The following STRA6 variants were observed in gnomAD, a reference collection of about 807,000 sequenced individuals.
STRA6 encodes signaling receptor and transporter of retinol STRA6.
In STRA6, 48 loss-of-function variants were observed where a neutral mutation model predicts 83.6. The ratio of observed to expected loss-of-function variants is 0.57; its 90% CI spans 0.46 to 0.73. The LOEUF is 0.73. Ranked by LOEUF, STRA6 falls within the 30% of genes least tolerant of loss-of-function variation. STRA6 has a pLI of 0.00. For missense variants in STRA6, 760 were observed against 838.8 expected, an observed-to-expected ratio of 0.91 and a Z score of 1.16; for synonymous variants, 353 against 362.3, an observed-to-expected ratio of 0.97 and a Z score of 0.29.
At chr15:74,211,487 G>A (rs974530158), upstream of STRA6, among the ~76,000 whole-genome samples, 2 of 135,986 alleles carry the variant, frequency 1.5e-5, no homozygotes, top group South Asian at 2.6e-4. Context: ...TGCAACCTCC[G>A]CCTCCTGGGT....
chr15:74,182,809 A>T, intron 14 of STRA6: 2 of 320,208 alleles, frequency 6.2e-6, no homozygotes, highest in South Asian at 6.1e-5. Context: ...TATTAAACTG[A>T]TGTTTGCATT....
At chr15:74,195,122 T>G (rs1286648872) in intron 7 of STRA6, 180 bp downstream of exon 7, 1 of 1,491,524 alleles carries the variant, frequency 6.7e-7, no homozygotes, top group Admixed American at 2.1e-5. Flanking sequence ...CCTTGTTCCC[T>G]GCCTCTCCTG....
rs745331417 is a variant in STRA6, at chr15:74,188,927, G to T, written c.1090+188C>A. Among the ~76,000 whole-genome samples, 1 of 152,184 alleles carries T rather than the reference G, an allele frequency of 6.6e-6. No homozygotes were observed. The highest frequency in any genetic ancestry group is 1.5e-5 in the Non-Finnish European group (1 of 68,044). On this transcript the variant is annotated intron_variant, in intron 12 of 18. Coordinates refer to ENST00000395105, the MANE Select transcript of STRA6 (RefSeq NM_022369.4). This position sits in a 1 kb window ranked among gnomAD's most constrained non-coding sequence, Gnocchi z 4.5. ...AGGAGCTGCTGAGATGTCCCTTCAG[G>T]TTTCATGGAAGCTCAGAACTGGAAG...
chr15:74,196,781 T>C (rs1165087601), intron 4 of STRA6, among the ~76,000 whole-genome samples: 1 of 152,166 alleles, frequency 6.6e-6, no homozygotes, highest in African/African-American at 2.4e-5. Flanking sequence ...TGTGAAGCTG[T>C]CTACACCAAG....
Position 74,188,378 on chromosome 15 carries a change from C to G in STRA6, c.1090+737G>C, listed in dbSNP as rs2073362756. Among the ~76,000 whole-genome samples the G allele has an allele frequency of 2.0e-5, 3 of 152,250 alleles. No homozygotes were observed. Among genetic ancestry groups the G allele is most frequent in the Admixed American group, 2.0e-4 (3 of 15,288 alleles). ...TCCCCAAGTAAGCAGAAGGCGCATGCCTCCTGAGTCCTCAGCACCGGGCTT... is the reference window on the plus strand; with the variant it reads ...TCCCCAAGTAAGCAGAAGGCGCATGGCTCCTGAGTCCTCAGCACCGGGCTT... On this transcript the variant is annotated intron_variant, in intron 12 of 18. Transcript: ENST00000395105. The surrounding 1 kb of genome is among the most constrained non-coding windows in gnomAD (Gnocchi z 4.5).
chr15:74,183,461 G>T (rs2073089910), intron 14 of STRA6: 1 of 1,104,900 alleles, frequency 9.1e-7, no homozygotes, highest in East Asian at 6.4e-5. Flanking sequence ...GGCCAGGCTG[G>T]TCTTCATCTC....
intron 4 of STRA6, among the ~76,000 whole-genome samples, chr15:74,196,552 A>G (rs1359145545): frequency 2.6e-5 from 4 of 152,226 alleles, no homozygotes; most frequent in Non-Finnish European, 5.9e-5. Flanking sequence ...GACAGCGGGC[A>G]TAGCTGTCCC....
intron 7 of STRA6, chr15:74,194,297 T>A (rs1005573936): frequency 1.1e-5 from 13 of 1,133,952 alleles, no homozygotes; most frequent in Non-Finnish European, 1.4e-5. Flanking sequence ...CTACATATAG[T>A]TTTCAACCTG....
At chr15:74,193,981 A>G (rs2073682727) in intron 7 of STRA6, 59 bp from the exon 8 acceptor site, 1 of 1,601,220 alleles carries the variant, frequency 6.2e-7, no homozygotes. Context: ...GCCAAGAACC[A>G]GAATCCGTTG....
At chr15:74,199,035 C>G (rs1297327301) in intron 2 of STRA6, among the ~76,000 whole-genome samples, 3 of 152,152 alleles carry the variant, frequency 2.0e-5, no homozygotes, top group African/African-American at 7.2e-5. Flanking sequence ...CCAGCTTGGG[C>G]CTGGGAGAGC....
At chr15:74,196,363 T>C in intron 4 of STRA6, 1 of 709,092 alleles carries the variant, frequency 1.4e-6, no homozygotes, top group Non-Finnish European at 2.3e-6. Context: ...GGGACACACA[T>C]ACAGTGGGAA....
chr15:74,202,333 G>A (rs2074111571), intron 1 of STRA6, 51 bp from the exon 2 acceptor site: 2 of 1,581,498 alleles, frequency 1.3e-6, no homozygotes, highest in African/African-American at 2.7e-5. Context: ...GTGAAAAGAG[G>A]CTTAAAAGAG....
At chr15:74,209,338 G>C, upstream of STRA6, 2 of 1,521,774 alleles carry the variant, frequency 1.3e-6, no homozygotes, top group Non-Finnish European at 1.8e-6. Context: ...CCTTAGAGAA[G>C]CTGAGGAACC....
At chr15:74,194,550 A>T in intron 7 of STRA6, 1 of 435,240 alleles carries the variant, frequency 2.3e-6, no homozygotes, top group Non-Finnish European at 3.5e-6. Flanking sequence ...AAACGGTCTC[A>T]GAAAGGTGGC....
At chr15:74,187,245 C>T (rs1269251500) in intron 12 of STRA6, among the ~76,000 whole-genome samples, 2 of 152,240 alleles carry the variant, frequency 1.3e-5, no homozygotes, top group Non-Finnish European at 2.9e-5. Flanking sequence ...TCTCTCCCTC[C>T]ACTGGTTCCC....
chr15:74,184,104 G>C, intron 13 of STRA6, 115 bp from the exon 14 acceptor site: 1 of 1,485,610 alleles, frequency 6.7e-7, no homozygotes, highest in Non-Finnish European at 9.1e-7. Flanking sequence ...ACAGCCATCA[G>C]CAGGGAAGCC....
intron 14 of STRA6, 50 bp from the exon 15 acceptor site, chr15:74,182,510 C>T (rs917433284): frequency 3.3e-6 from 5 of 1,499,824 alleles, no homozygotes; most frequent in African/African-American, 1.4e-5. Context: ...TCCATGAAAA[C>T]TGGCCATCCC....
At chr15:74,193,692 G>A in intron 8 of STRA6, 108 bp downstream of exon 8, 2 of 1,555,254 alleles carry the variant, frequency 1.3e-6, no homozygotes, top group Non-Finnish European at 1.8e-6. Context: ...CATCTATTCT[G>A]TGCTGGGCCC....
chr15:74,180,836 G>T lies in STRA6; in HGVS notation c.1786C>A (p.Pro596Thr). ...SLLLQAQSLL[P>T]RTMAAPQDSL... ...TCCTGGGGGGCTGCCATGGTCCTGGGTAGGAGGCTCTGCGCTTGCAGGAGC... is the reference window on the plus strand; with the variant it reads ...TCCTGGGGGGCTGCCATGGTCCTGGTTAGGAGGCTCTGCGCTTGCAGGAGC... The change falls in exon 18 of 19, where the codon CCC (proline) becomes ACC (threonine). Residue 596 changes from proline (P) to threonine (T), a missense_variant. Pro to Thr is a conservative substitution (Grantham distance 38). Coordinates refer to ENST00000395105, the MANE Select transcript of STRA6 (RefSeq NM_022369.4). 6.2e-7 allele frequency: 1 copy of T among 1,614,076 alleles called. No individual in the cohort carries two copies. Among genetic ancestry groups the T allele is most frequent in the Non-Finnish European group, 8.5e-7 (1 of 1,179,972 alleles).
Sources: gnomAD v4.1 joint callset for allele counts (sites outside exome capture counted in the v4.1 genomes callset) on GRCh38, gnomAD v4.1.1 for gene constraint, Gnocchi (gnomAD v3.1) non-coding constraint, MANE v1.5 for transcripts, NCBI Gene and HGNC (gene_info 2026-07-23, HGNC 2026-07-21) for gene names.